MCTS1: variants seen among roughly 807,000 people sequenced by gnomAD.
MCTS1 encodes the protein MCTS1 re-initiation and release factor.
For synonymous variants in MCTS1, 26 were observed against 40.8 expected (o/e 0.64, Z 1.38); for missense variants, 55 against 128.6 (o/e 0.43, Z 2.77).
intron 5 of MCTS1, 111 bp from the exon 6 acceptor site, chrX:120,612,067 TCTTTA>T (rs959568515): frequency 5.5e-6 from 3 of 549,121 alleles, no homozygotes; most frequent in African/African-American, 2.4e-5. Context: ...GTCAATAAGT[TCTTTA>T]CTTGTGGCTT....
chrX:120,607,974 A>C (rs1295236155), intron 3 of MCTS1, among the ~76,000 whole-genome samples: 3 of 111,371 alleles, frequency 2.7e-5, no homozygotes, highest in Non-Finnish European at 5.6e-5. Context: ...GGAAGATTGC[A>C]TGAGTCCAAG....
intron 4 of MCTS1, chrX:120,610,789 A>C (rs937684933): frequency 5.9e-6 from 2 of 338,341 alleles, no homozygotes; most frequent in Non-Finnish European, 5.2e-6. Flanking sequence ...CTTGAAAGAA[A>C]AGGGGTTATT....
intron 5 of MCTS1, 32 bp downstream of exon 5, chrX:120,611,110 G>A (rs1183934032): frequency 8.5e-7 from 1 of 1,171,255 alleles, no homozygotes; most frequent in Non-Finnish European, 1.2e-6. Context: ...CTTAACTTTT[G>A]ATATATGGGT....
At position 120,617,180 on chromosome X, in the gene MCTS1, TTTGTTG is replaced by T. The variant is rs199750166; in HGVS notation, c.*4937_*4942del. On this transcript the variant is annotated 3_prime_UTR_variant, in exon 6 of 6. Transcript: ENST00000371317. ...AAATTAAACTCATCCAACTCATACA[TTTGTTG>T]TTGTTGTTGTTGTTGTTGTTTTTGA... 1.1e-4 allele frequency among the ~76,000 whole-genome samples: 12 copies of T among 111,374 alleles called. No individual in the cohort carries two copies. The highest frequency in any genetic ancestry group is 4.3e-3 in the Middle Eastern group (1 of 234).
chrX:120,608,250 G>A lies in MCTS1; in HGVS notation c.288G>A (p.Gln96=). Residue 96 remains glutamine, a synonymous_variant, in exon 4 of 6, where the codon CAG becomes CAA. Coordinates refer to ENST00000371317, the MANE Select transcript of MCTS1 (RefSeq NM_014060.3). ...ATCCTTTTATCCTGCCACACCAGCA[G>A]GTTGATAAAGGAGCCATCAAATTTG... The part of the protein sequence containing the change: ...HKYPFILPHQ[Q]VDKGAIKFVL... The A allele has an allele frequency of 8.3e-7, 1 of 1,200,569 alleles. No individual in the cohort carries two copies. The highest frequency in any genetic ancestry group is 3.0e-5 in the East Asian group (1 of 33,772).
intron 4 of MCTS1, 171 bp from the exon 5 acceptor site, chrX:120,610,840 C>A: frequency 2.3e-6 from 1 of 430,970 alleles, no homozygotes; most frequent in Non-Finnish European, 4.1e-6. Context: ...TTACAGTGTA[C>A]CCACAGACTC....
At chrX:120,610,972 G>A (rs1356470434) in intron 4 of MCTS1, 39 bp from the exon 5 acceptor site, 3 of 1,189,152 alleles carry the variant, frequency 2.5e-6, no homozygotes, top group Non-Finnish European at 3.4e-6. Flanking sequence ...AGGCCCCAAG[G>A]CATTTTGATA....
In MCTS1 at chrX:120,606,182, GT is replaced by G. The variant is rs754320290; in HGVS notation, c.262+13del. 1.5e-5 allele frequency: 16 copies of G among 1,074,106 alleles called. No homozygotes were observed. The African/African-American group carries it at 1.7e-4, about 12-fold the overall frequency. 88.5% of individuals were successfully genotyped at this position (1,074,106 alleles called of 1,213,427 possible). Reference sequence around the variant, plus strand: ...CCTAAGATTACTTCACAAATGTAAGGTTTTTTTATTTTTATTTTTTGAAATT... The same window carrying G: ...CCTAAGATTACTTCACAAATGTAAGGTTTTTTATTTTTATTTTTTGAAATT... On this transcript the variant is annotated splice_region_variant and intron_variant, in intron 3 of 5. Coordinates refer to ENST00000371317, the MANE Select transcript of MCTS1 (RefSeq NM_014060.3).
At position 120,604,440 on chromosome X, in the gene MCTS1, T is replaced by C. The variant is rs1295033027; in HGVS notation, c.11+193T>C. ...TAAGCTTTCCATCCGTAGTCCTTAA[T>C]TGGGTTTCAGTCCCTCCACTCCCAT... is the stretch of plus-strand genomic sequence containing the variant. On this transcript the variant is annotated intron_variant, in intron 1 of 5. Coordinates refer to ENST00000371317, the MANE Select transcript of MCTS1 (RefSeq NM_014060.3). The C allele has an allele frequency of 1.2e-5, 7 of 587,018 alleles. No individual in the cohort carries two copies. In the East Asian group the frequency reaches 1.9e-4, roughly 16 times the overall value. 48.4% of individuals were successfully genotyped at this position (587,018 alleles called of 1,213,427 possible).
In MCTS1 at chrX:120,612,356, G is replaced by T. The variant is rs1051659663; in HGVS notation, c.*92G>T. On this transcript the variant is annotated 3_prime_UTR_variant, in exon 6 of 6. Transcript: ENST00000371317. ...TGACAGCATGAAGATAATGCCTGTG[G>T]TTATGCTGAATAAATTCACCAGATG... 18 of 594,455 alleles carry T rather than the reference G, an allele frequency of 3.0e-5. No homozygotes were observed. The highest frequency in any genetic ancestry group is 4.3e-5 in the Non-Finnish European group (17 of 391,408). 49.0% of individuals were successfully genotyped at this position (594,455 alleles called of 1,213,427 possible).
At position 120,608,842 on chromosome X, in the gene MCTS1, T is replaced by G. The variant is rs761846235; in HGVS notation, c.396+484T>G. ...CCAAGCAACAATTTTGTGTTAGGAGTGAATAGTGGGAAATATTGGCAACCT... is the reference window on the plus strand; with the variant it reads ...CCAAGCAACAATTTTGTGTTAGGAGGGAATAGTGGGAAATATTGGCAACCT... On this transcript the variant is annotated intron_variant, in intron 4 of 5. Coordinates refer to ENST00000371317, the MANE Select transcript of MCTS1 (RefSeq NM_014060.3). Among the ~76,000 whole-genome samples, 3 of 111,889 alleles carry G rather than the reference T, an allele frequency of 2.7e-5. No individual in the cohort carries two copies. In the South Asian group the frequency reaches 1.1e-3, roughly 41 times the overall value.
chrX:120,604,107 C>T lies in MCTS1; in HGVS notation c.-130C>T. ...TAAAGCGCGGCTGGCTCTCGTTTTC[C>T]GGATAACGACTACAGCTCCGACTGT... On this transcript the variant is annotated 5_prime_UTR_variant, in exon 1 of 6. Transcript: ENST00000371317. 1.2e-6 allele frequency: 1 copy of T among 834,212 alleles called. No individual in the cohort carries two copies. The highest frequency in any genetic ancestry group is 2.8e-5 in the Admixed American group (1 of 35,367). The allele number at this position is 834,212 out of a possible 1,213,427, so 68.7% of individuals were successfully genotyped here.
At chrX:120,610,910 A>G (rs768970968) in intron 4 of MCTS1, 101 bp from the exon 5 acceptor site, 15 of 867,374 alleles carry the variant, frequency 1.7e-5, no homozygotes, top group Non-Finnish European at 2.5e-5. Context: ...AGGGGTTCCA[A>G]GTGGCTTAAC....
At position 120,604,156 on chromosome X, in the gene MCTS1, G is replaced by A; in HGVS notation, c.-81G>A. ...GTCAGTGCCGGCCTTCCTCGTGTGA[G>A]GGGATCTGCCGGACCCCTGCAAATT... On this transcript the variant is annotated 5_prime_UTR_variant, in exon 1 of 6. Coordinates refer to ENST00000371317, the MANE Select transcript of MCTS1 (RefSeq NM_014060.3). 1 of 1,125,475 alleles carries A rather than the reference G, an allele frequency of 8.9e-7. No individual in the cohort carries two copies. The highest frequency in any genetic ancestry group is 1.2e-6 in the Non-Finnish European group (1 of 821,865). 92.8% of individuals were successfully genotyped at this position (1,125,475 alleles called of 1,213,427 possible). A position where few individuals can be genotyped will look rare whatever the true frequency, so the allele number is the denominator to read the frequency against.
At position 120,612,928 on chromosome X, in the gene MCTS1, C is replaced by CT. The variant is rs541130604; in HGVS notation, c.*680dup. Among the ~76,000 whole-genome samples the CT allele has an allele frequency of 0.15, 13,901 of 93,053 alleles. 1,149 individuals carry two copies. Among genetic ancestry groups the CT allele is most frequent in the South Asian group, 0.22 (415 of 1,877 alleles). The allele number at this position is 93,053 out of a possible 115,157, so 80.8% of individuals were successfully genotyped here. A position where few individuals can be genotyped will look rare whatever the true frequency, so the allele number is the denominator to read the frequency against. On this transcript the variant is annotated 3_prime_UTR_variant, in exon 6 of 6. Coordinates refer to ENST00000371317, the MANE Select transcript of MCTS1 (RefSeq NM_014060.3). ...TCATTTCATCCATAACTACTTTATT[C>CT]TTTTTTTTTTTTTTTTGAAACAGGG...
intron 3 of MCTS1, among the ~76,000 whole-genome samples, chrX:120,607,917 T>C (rs780992166): frequency 7.2e-5 from 8 of 111,076 alleles, no homozygotes; most frequent in African/African-American, 2.6e-4. Flanking sequence ...CCAAAAACCA[T>C]AGTTTTGAAA....
intron 1 of MCTS1, 85 bp downstream of exon 1, chrX:120,604,332 TTC>T: frequency 8.8e-7 from 1 of 1,130,839 alleles, no homozygotes; most frequent in Non-Finnish European, 1.2e-6. Flanking sequence ...AAGATCCTCT[TTC>T]TCTCTCCCCC....
In MCTS1 at chrX:120,604,959, A is replaced by G. The variant is rs1442485168; in HGVS notation, c.12-448A>G. ...CTTAAAAAAAATCTCAGCAGATTAC[A>G]TAGCCTAGCAGGGGCCGATTTTCTA... On this transcript the variant is annotated intron_variant, in intron 1 of 5. Coordinates refer to ENST00000371317, the MANE Select transcript of MCTS1 (RefSeq NM_014060.3). The G allele has an allele frequency of 4.1e-6, 4 of 983,072 alleles. No individual in the cohort carries two copies. The African/African-American group carries it at 6.0e-5, about 15-fold the overall frequency. 81.0% of individuals were successfully genotyped at this position (983,072 alleles called of 1,213,427 possible).
chrX:120,609,492 T>C (rs762413428), intron 4 of MCTS1, among the ~76,000 whole-genome samples: 1 of 111,232 alleles, frequency 9.0e-6, no homozygotes, highest in South Asian at 3.8e-4. Context: ...CAGGGGTGTG[T>C]TTAAGAAGAA....
Sources: gnomAD v4.1 joint callset for allele counts (sites outside exome capture counted in the v4.1 genomes callset) on GRCh38, gnomAD v4.1.1 for gene constraint, MANE v1.5 for transcripts, NCBI Gene and HGNC (gene_info 2026-07-23, HGNC 2026-07-21) for gene names.